CCDC170: variants seen among roughly 807,000 people sequenced by gnomAD.
CCDC170 encodes coiled-coil domain containing 170.
A neutral mutation model predicts 72.6 loss-of-function variants in CCDC170; 69 were observed. That is an observed-to-expected ratio of 0.95 (90% CI 0.78 to 1.16). CCDC170 has a LOEUF of 1.16. Among genes scored for constraint, CCDC170 ranks in the 50% most tolerant of loss-of-function variants. The pLI is 0.00. For missense variants in CCDC170, 852 were observed against 832.5 expected (o/e 1.02, Z -0.29); for synonymous variants, 300 against 303.9 (o/e 0.99, Z 0.13).
intron 1 of CCDC170, among the ~76,000 whole-genome samples, chr6:151,519,464 A>C (rs1489550244): frequency 2.0e-5 from 3 of 152,200 alleles, no homozygotes; most frequent in Non-Finnish European, 4.4e-5. Flanking sequence ...GTTCAAACAC[A>C]TATGTTTTAC....
chr6:151,563,657 G>A (rs936935217), intron 5 of CCDC170, among the ~76,000 whole-genome samples: 1 of 152,138 alleles, frequency 6.6e-6, no homozygotes, highest in Non-Finnish European at 1.5e-5. Flanking sequence ...AGGGGAGTGT[G>A]GGCACGTCTG....
chr6:151,509,086 A>T (rs1260324462), intron 1 of CCDC170, among the ~76,000 whole-genome samples: 1 of 152,162 alleles, frequency 6.6e-6, no homozygotes, highest in African/African-American at 2.4e-5. Context: ...ACTAAAATTT[A>T]TCAAGTGTCT....
chr6:151,591,326 C>G (rs921357866), intron 7 of CCDC170, among the ~76,000 whole-genome samples: 1 of 152,126 alleles, frequency 6.6e-6, no homozygotes, highest in Non-Finnish European at 1.5e-5. Context: ...ATCCAGCAAG[C>G]ACTTAGTAAG....
At chr6:151,514,044 T>A (rs914334160) in intron 1 of CCDC170, among the ~76,000 whole-genome samples, 5 of 150,374 alleles carry the variant, frequency 3.3e-5, no homozygotes, top group African/African-American at 1.2e-4. Flanking sequence ...TTAACCAAGA[T>A]AAATAAAGCA....
chr6:151,604,614 T>G (rs917071100), intron 9 of CCDC170, among the ~76,000 whole-genome samples: 4 of 152,194 alleles, frequency 2.6e-5, no homozygotes, highest in Non-Finnish European at 4.4e-5. Context: ...GGTAAATGTT[T>G]GAGGCGATGG....
chr6:151,524,688 G>T (rs1462407066), intron 1 of CCDC170, among the ~76,000 whole-genome samples: 2 of 152,014 alleles, frequency 1.3e-5, no homozygotes, highest in East Asian at 1.9e-4. Flanking sequence ...TTCTCCCATT[G>T]TTCAGAGGTT....
intron 9 of CCDC170, among the ~76,000 whole-genome samples, chr6:151,615,225 T>A (rs891227088): frequency 3.3e-5 from 5 of 152,214 alleles, no homozygotes; most frequent in Non-Finnish European, 7.3e-5. Flanking sequence ...ATTTTTCAAA[T>A]AAGGGTACTC....
rs958579302 is a variant in CCDC170 at position 151,571,276 on chromosome 6, T to C, written c.775-1898T>C. ...TAGAGTCTGTTATTTAAAAATATTG[T>C]GTTTCTTTTTAGTGCTTTTTACCTC... is the stretch of plus-strand genomic sequence containing the variant. On this transcript the variant is annotated intron_variant, in intron 5 of 10. Coordinates refer to ENST00000239374, the MANE Select transcript of CCDC170 (RefSeq NM_025059.4). 5.9e-5 allele frequency among the ~76,000 whole-genome samples: 9 copies of C among 151,688 alleles called. No homozygotes were observed. The South Asian group carries it at 8.3e-4, about 14-fold the overall frequency.
intron 1 of CCDC170, among the ~76,000 whole-genome samples, chr6:151,531,563 G>A (rs570486373): frequency 6.6e-6 from 1 of 152,282 alleles, no homozygotes; most frequent in African/African-American, 2.4e-5. Flanking sequence ...ATAATGTTTA[G>A]GGGGAAAACC....
chr6:151,527,186 C>T (rs946342410), intron 1 of CCDC170, among the ~76,000 whole-genome samples: 6 of 150,478 alleles, frequency 4.0e-5, no homozygotes, highest in East Asian at 2.0e-4. Flanking sequence ...TGTGAGCCAT[C>T]GAGCTTAGCC....
intron 9 of CCDC170, among the ~76,000 whole-genome samples, chr6:151,611,851 C>T (rs974712930): frequency 6.6e-6 from 1 of 152,074 alleles, no homozygotes; most frequent in Non-Finnish European, 1.5e-5. Context: ...GCCGGGAGTA[C>T]AGGCCCCCGC....
In CCDC170 at chr6:151,595,792, C is replaced by T. The variant is rs1003264369; in HGVS notation, c.1468-543C>T. Among the ~76,000 whole-genome samples the T allele has an allele frequency of 9.9e-5, 15 of 152,176 alleles. No individual in the cohort carries two copies. The South Asian group carries it at 1.2e-3, about 13-fold the overall frequency. Reference sequence around the variant, plus strand: ...TGTGATCATGCCACTACACCCCAGCCTGCACAATAGAATGAGACCCTGTCT... The same window carrying T: ...TGTGATCATGCCACTACACCCCAGCTTGCACAATAGAATGAGACCCTGTCT... On this transcript the variant is annotated intron_variant, in intron 8 of 10. Coordinates refer to ENST00000239374, the MANE Select transcript of CCDC170 (RefSeq NM_025059.4).
intron 5 of CCDC170, among the ~76,000 whole-genome samples, chr6:151,555,133 C>T (rs147717277): frequency 0.041 from 6,179 of 151,924 alleles, 552 homozygotes; most frequent in East Asian, 0.36. Context: ...CCACCTGCCT[C>T]GGCCTCCCAA....
At position 151,619,851 on chromosome 6, in the gene CCDC170, T is replaced by C. The variant is rs1259580506; in HGVS notation, c.*1704T>C. ...CAACAACAACAAAAAGTCAAAGTCA[T>C]AATAAGCAAATTATTGGCTTCTTTC... On this transcript the variant is annotated 3_prime_UTR_variant, in exon 11 of 11. Coordinates refer to ENST00000239374, the MANE Select transcript of CCDC170 (RefSeq NM_025059.4). The C allele has an allele frequency of 6.6e-6, 1 of 152,036 alleles. No homozygotes were observed. The highest frequency in any genetic ancestry group is 2.4e-5 in the African/African-American group (1 of 41,406). The allele number at this position is 152,036 out of a possible 1,614,324, so 9.4% of individuals were successfully genotyped here. A position where few individuals can be genotyped will look rare whatever the true frequency, so the allele number is the denominator to read the frequency against.
intron 3 of CCDC170, among the ~76,000 whole-genome samples, chr6:151,540,373 CTTTTTTTT>C (rs779650559): frequency 5.3e-4 from 20 of 37,978 alleles, no homozygotes; most frequent in Admixed American, 4.2e-3. Flanking sequence ...TCTGCTGCTG[CTTTTTTTT>C]TTTTTTTTTT....
Position 151,596,320 on chromosome 6 carries a change from T to A in CCDC170, c.1468-15T>A. 8 of 1,578,258 alleles carry A rather than the reference T, an allele frequency of 5.1e-6. No individual in the cohort carries two copies. On this transcript the variant is annotated splice_polypyrimidine_tract_variant and intron_variant, in intron 8 of 10. Coordinates refer to ENST00000239374, the MANE Select transcript of CCDC170 (RefSeq NM_025059.4). ...TCAATTATTAAAAAAAAAATCCCTG[T>A]TTGCATCAAACCAGCTAAAGACACA...
chr6:151,515,251 A>G (rs1782217854), intron 1 of CCDC170, among the ~76,000 whole-genome samples: 1 of 152,236 alleles, frequency 6.6e-6, no homozygotes, highest in South Asian at 2.1e-4. Context: ...AGATTTGTAA[A>G]TCAAAAAGTA....
chr6:151,560,164 AT>A (rs565892595), intron 5 of CCDC170, among the ~76,000 whole-genome samples: 2 of 152,102 alleles, frequency 1.3e-5, no homozygotes, highest in Non-Finnish European at 2.9e-5. Flanking sequence ...TTGTATCTTT[AT>A]TTTAATTCCA....
rs567497283 is a variant in CCDC170 at position 151,607,679 on chromosome 6, T to G, written c.1711-7764T>G. 2.0e-5 allele frequency among the ~76,000 whole-genome samples: 3 copies of G among 152,310 alleles called. No homozygotes were observed. The East Asian group carries it at 5.8e-4, about 29-fold the overall frequency. ...TTGAATCCCATTCTCTCCTAACCTG[T>G]AAGGTTTCTCTTGAGAAATCCACTG... On this transcript the variant is annotated intron_variant, in intron 9 of 10. Transcript: ENST00000239374.
Sources: allele counts gnomAD v4.1 joint callset (sites outside exome capture counted in the v4.1 genomes callset), GRCh38; gene constraint gnomAD v4.1.1; transcripts MANE v1.5; gene names NCBI Gene and HGNC (gene_info 2026-07-23, HGNC 2026-07-21).